Variants in RANBP2 observed in about 807,000 individuals in gnomAD.
RANBP2 encodes the protein E3 SUMO-protein ligase RanBP2.
RANBP2 carries 57 observed loss-of-function variants against 303.6 expected under a neutral mutation model. The ratio of observed to expected loss-of-function variants is 0.19; its 90% confidence interval spans 0.15 to 0.23. The LOEUF (loss-of-function observed/expected upper bound fraction) is 0.23. Ranked by LOEUF, RANBP2 falls within the 10% of genes least tolerant of loss-of-function variation. The pLI is 1.00. For missense variants in RANBP2, 3,138 were observed against 3,780.8 expected, an observed-to-expected ratio of 0.83 and a Z score of 4.46; for synonymous variants, 1,167 against 1,301.5, an observed-to-expected ratio of 0.90 and a Z score of 2.23.
chr2:109,018,999 T>C, the RANBP2 span, among the ~76,000 whole-genome samples: 1 of 152,134 alleles, frequency 6.6e-6, no homozygotes, highest in African/African-American at 2.4e-5. Context: ...CAAAAATGCA[T>C]TTAGGACGTG....
At chr2:109,203,441 T>C in the RANBP2 span, among the ~76,000 whole-genome samples, 1 of 152,152 alleles carries the variant, frequency 6.6e-6, no homozygotes, top group Non-Finnish European at 1.5e-5. Context: ...GATCACTGTA[T>C]CCCTGGCCAT....
chr2:109,339,152 A>G, the RANBP2 span, among the ~76,000 whole-genome samples: 1 of 151,648 alleles, frequency 6.6e-6, no homozygotes, highest in Non-Finnish European at 1.5e-5. Context: ...GGCAGAGAAG[A>G]GGTAGAGGAG....
At chr2:108,885,763 C>T in the RANBP2 span, among the ~76,000 whole-genome samples, 1 of 152,210 alleles carries the variant, frequency 6.6e-6, no homozygotes, top group African/African-American at 2.4e-5. Context: ...CCTCTTCCTC[C>T]CACCACTCAT....
chr2:109,664,657 C>T, the RANBP2 span, among the ~76,000 whole-genome samples: 2 of 151,840 alleles, frequency 1.3e-5, no homozygotes, highest in African/African-American at 4.8e-5. Context: ...GGGCCGGGCA[C>T]GGTGGCTCAC....
chr2:109,263,229 A>G, the RANBP2 span, among the ~76,000 whole-genome samples: 1 of 152,176 alleles, frequency 6.6e-6, no homozygotes, highest in African/African-American at 2.4e-5. Flanking sequence ...TGTCTTTACT[A>G]GTGCTCTTTG....
the RANBP2 span, among the ~76,000 whole-genome samples, chr2:108,979,444 C>G: frequency 2.0e-4 from 14 of 71,142 alleles, no homozygotes; most frequent in Admixed American, 3.2e-4. Flanking sequence ...CTTTCTCTCT[C>G]TCTGTCTCTG....
chr2:109,516,001 C>T, the RANBP2 span, among the ~76,000 whole-genome samples: 12 of 152,202 alleles, frequency 7.9e-5, no homozygotes, highest in Non-Finnish European at 1.6e-4. Flanking sequence ...AACATCCAAA[C>T]AATATCAGCA....
chr2:108,968,727 C>T, the RANBP2 span, among the ~76,000 whole-genome samples: 1 of 152,188 alleles, frequency 6.6e-6, no homozygotes, highest in Non-Finnish European at 1.5e-5. Flanking sequence ...AAGCTTGATG[C>T]TGATACAAAA....
chr2:109,127,475 T>C, the RANBP2 span: 1 of 152,242 alleles, frequency 6.6e-6, no homozygotes, highest in Non-Finnish European at 1.5e-5. Flanking sequence ...GTTCTGTGGA[T>C]ACAAAAATGA....
At chr2:109,112,484 G>GT in the RANBP2 span, among the ~76,000 whole-genome samples, 1 of 151,986 alleles carries the variant, frequency 6.6e-6, no homozygotes, top group African/African-American at 2.4e-5. Context: ...GGGGTTGTTT[G>GT]TTTTTTTCTT....
At chr2:109,463,068 C>A in the RANBP2 span, among the ~76,000 whole-genome samples, 1 of 152,298 alleles carries the variant, frequency 6.6e-6, no homozygotes, top group African/African-American at 2.4e-5. Context: ...GAAGACCTAA[C>A]CTGTAAATTC....
At chr2:109,437,168 C>A in the RANBP2 span, 3 of 1,589,630 alleles carry the variant, frequency 1.9e-6, no homozygotes, top group Non-Finnish European at 8.6e-7. Context: ...GGGGCCTCAC[C>A]CTGCAGGGCA....
At chr2:109,174,575 C>A in the RANBP2 span, among the ~76,000 whole-genome samples, 1 of 152,194 alleles carries the variant, frequency 6.6e-6, no homozygotes, top group Non-Finnish European at 1.5e-5. Context: ...CTGGAATTCC[C>A]TCCATTGTGG....
chr2:109,168,569 C>G, the RANBP2 span, among the ~76,000 whole-genome samples: 1 of 152,234 alleles, frequency 6.6e-6, no homozygotes, highest in Admixed American at 6.5e-5. Context: ...TACTTCTAAT[C>G]TTCGGACTGT....
intron 9 of RANBP2, among the ~76,000 whole-genome samples, chr2:108,750,800 G>A (rs930730374): frequency 9.2e-5 from 14 of 152,280 alleles, no homozygotes; most frequent in Admixed American, 2.6e-4. Flanking sequence ...TGCTGGCCAG[G>A]CTGGTCTCGA....
chr2:108,903,671 G>A, the RANBP2 span, among the ~76,000 whole-genome samples: 2 of 152,100 alleles, frequency 1.3e-5, no homozygotes, highest in African/African-American at 2.4e-5. Flanking sequence ...TCAAAAAAAT[G>A]GTGCTGGAGC....
the RANBP2 span, among the ~76,000 whole-genome samples, chr2:109,415,739 C>G: frequency 6.6e-6 from 1 of 152,222 alleles, no homozygotes; most frequent in African/African-American, 2.4e-5. Context: ...CAAACCGTCA[C>G]TTCATCTGGC....
At chr2:109,339,857 A>T in the RANBP2 span, among the ~76,000 whole-genome samples, 2 of 152,194 alleles carry the variant, frequency 1.3e-5, no homozygotes, top group African/African-American at 4.8e-5. Flanking sequence ...ACTGACCCAC[A>T]GCTGCCCTTT....
At chr2:109,649,113 TAACA>T in the RANBP2 span, among the ~76,000 whole-genome samples, 2 of 152,188 alleles carry the variant, frequency 1.3e-5, no homozygotes, top group African/African-American at 4.8e-5. Flanking sequence ...TAATGCTCAC[TAACA>T]GTTATAATTT....
Sources: gnomAD v4.1 joint callset for allele counts (sites outside exome capture counted in the v4.1 genomes callset) on GRCh38, gnomAD v4.1.1 for gene constraint, MANE v1.5 for transcripts, NCBI Gene and HGNC (gene_info 2026-07-23, HGNC 2026-07-21) for gene names.